TCEA1: variants seen among roughly 807,000 people sequenced by gnomAD.
TCEA1 encodes transcription elongation factor A protein 1.
A neutral mutation model predicts 43.8 loss-of-function variants in TCEA1; 21 were observed. That is an observed-to-expected ratio of 0.48 (90% confidence interval 0.34 to 0.69). The LOEUF (loss-of-function observed/expected upper bound fraction) is 0.69, where lower values mean the gene tolerates loss of function less well. TCEA1 is among the 30% of genes least tolerant of loss of function. The probability of loss-of-function intolerance (pLI) is 0.01; values close to 1 mark genes in which losing one functional copy is unlikely to be tolerated. For synonymous variants in TCEA1, 104 were observed against 117.5 expected (o/e 0.88, Z 0.75); for missense variants, 250 against 365.1 (o/e 0.68, Z 2.57).
intron 3 of TCEA1, among the ~76,000 whole-genome samples, chr8:53,994,051 A>C (rs1467312329): frequency 6.6e-6 from 1 of 152,224 alleles, no homozygotes; most frequent in Non-Finnish European, 1.5e-5. Flanking sequence ...CTGCACTGTT[A>C]CTTTAAAAAT....
chr8:53,984,549 T>C, intron 6 of TCEA1, 32 bp from the exon 7 acceptor site: 1 of 1,515,856 alleles, frequency 6.6e-7, no homozygotes, highest in Non-Finnish European at 8.8e-7. Context: ...AAGGCAAAAT[T>C]ACAAAAGTAA....
At chr8:53,985,138 C>T (rs551891772) in intron 6 of TCEA1, among the ~76,000 whole-genome samples, 7 of 152,084 alleles carry the variant, frequency 4.6e-5, no homozygotes, top group African/African-American at 1.2e-4. Context: ...CTCAGCCTCC[C>T]GAGTAGCTGC....
At chr8:54,016,692 A>G (rs1274290547) in intron 1 of TCEA1, among the ~76,000 whole-genome samples, 1 of 151,150 alleles carries the variant, frequency 6.6e-6, no homozygotes, top group African/African-American at 2.4e-5. Flanking sequence ...TACAAAAATC[A>G]GGCCAGGCGG....
At chr8:53,968,832 C>T (rs1803068366) in intron 9 of TCEA1, among the ~76,000 whole-genome samples, 1 of 152,128 alleles carries the variant, frequency 6.6e-6, no homozygotes, top group African/African-American at 2.4e-5. Flanking sequence ...TCCAAGAGAA[C>T]AGGCCAAATT....
chr8:54,000,445 T>G (rs534335425), intron 2 of TCEA1, among the ~76,000 whole-genome samples: 2 of 152,328 alleles, frequency 1.3e-5, no homozygotes. Flanking sequence ...CATGGATTAC[T>G]TCATAGAGCA....
At chr8:54,020,841 T>A (rs1443618026) in intron 1 of TCEA1, among the ~76,000 whole-genome samples, 1 of 152,198 alleles carries the variant, frequency 6.6e-6, no homozygotes, top group African/African-American at 2.4e-5. Context: ...ACACTGATGA[T>A]GAAAATGTGC....
At chr8:54,002,958 AGGAATGAG>A in intron 2 of TCEA1, 1 of 456,328 alleles carries the variant, frequency 2.2e-6, no homozygotes. Context: ...AAAAGCAGAA[AGGAATGAG>A]TACTGAGATC....
intron 8 of TCEA1, chr8:53,972,768 G>C: frequency 2.8e-6 from 2 of 713,994 alleles, no homozygotes; most frequent in East Asian, 5.2e-5. Flanking sequence ...CTATTATGCA[G>C]TAGTAGACTG....
rs35034211 is a variant in TCEA1 at position 53,981,927 on chromosome 8, C to CTTT, written c.678+2433_678+2435dup. Among the ~76,000 whole-genome samples the CTTT allele has an allele frequency of 2.8e-3, 358 of 128,138 alleles. 4 individuals carry two copies. Among genetic ancestry groups the CTTT allele is most frequent in the African/African-American group, 9.5e-3 (339 of 35,668 alleles). The allele number at this position is 128,138 out of a possible 152,430, so 84.1% of individuals were successfully genotyped here. A position where few individuals can be genotyped will look rare whatever the true frequency, so the allele number is the denominator to read the frequency against. ...ACCACACCATGCCCAGCTAAGTTTT[C>CTTT]TTTTTTTTTTTTTTTTTTGTAGAGA... On this transcript the variant is annotated intron_variant, in intron 7 of 9. Coordinates refer to ENST00000521604, the MANE Select transcript of TCEA1 (RefSeq NM_006756.4).
intron 4 of TCEA1, among the ~76,000 whole-genome samples, chr8:53,993,182 A>C (rs560939381): frequency 7.4e-6 from 1 of 135,168 alleles, no homozygotes; most frequent in East Asian, 2.2e-4. Context: ...CGTGTTAGCC[A>C]GGCTGGTCTC....
At chr8:53,990,615 G>C (rs1803846934) in intron 4 of TCEA1, among the ~76,000 whole-genome samples, 1 of 151,978 alleles carries the variant, frequency 6.6e-6, no homozygotes, top group Non-Finnish European at 1.5e-5. Flanking sequence ...CCCCTACCTT[G>C]ACCTCCCAAA....
chr8:53,995,696 C>T (rs758748058), intron 3 of TCEA1, among the ~76,000 whole-genome samples: 3 of 152,126 alleles, frequency 2.0e-5, no homozygotes, highest in Non-Finnish European at 4.4e-5. Context: ...TGCCAAGCTC[C>T]GAACCAGATC....
At chr8:53,992,533 C>T (rs1803913726) in intron 4 of TCEA1, among the ~76,000 whole-genome samples, 1 of 152,046 alleles carries the variant, frequency 6.6e-6, no homozygotes, top group South Asian at 2.1e-4. Flanking sequence ...TTGCTTTGAA[C>T]CTGGGAGGTG....
rs1255443914 is a variant in TCEA1, at chr8:54,022,064, G to A, written c.62C>T (p.Ala21Val). ...KMDKMVQKKN[A>V]AGALDLLKEL... ...GCCCGCGCCGCTCGCCGCGCTCACC[G>A]CGTTCTTCTTCTGCACCATCTTGTC... is the stretch of plus-strand genomic sequence containing the variant. The change falls in exon 1 of 10, where the codon GCG (alanine) becomes GTG (valine). Residue 21 changes from alanine (A) to valine (V), a missense_variant and splice_region_variant. This residue lies in a region of TCEA1 where 30 missense variants were observed against 31.8 expected (regional missense o/e 0.94). Coordinates refer to ENST00000521604, the MANE Select transcript of TCEA1 (RefSeq NM_006756.4). 2.8e-6 allele frequency: 4 copies of A among 1,415,488 alleles called. No individual in the cohort carries two copies. The highest frequency in any genetic ancestry group is 3.8e-6 in the Non-Finnish European group (4 of 1,060,250). 87.7% of individuals were successfully genotyped at this position (1,415,488 alleles called of 1,614,324 possible).
At chr8:53,986,800 G>C (rs1212981179) in intron 6 of TCEA1, among the ~76,000 whole-genome samples, 169 bp downstream of exon 6, 1 of 152,142 alleles carries the variant, frequency 6.6e-6, no homozygotes, top group Non-Finnish European at 1.5e-5. Flanking sequence ...GTGTGATCTA[G>C]AACAATGACC....
At chr8:54,005,004 C>G (rs1318069176) in intron 2 of TCEA1, among the ~76,000 whole-genome samples, 1 of 15,966 alleles carries the variant, frequency 6.3e-5, no homozygotes, top group Non-Finnish European at 1.1e-4. Context: ...CTGTTTACTT[C>G]CTCACCTTCA....
At chr8:53,996,190 T>C (rs1184877957) in intron 3 of TCEA1, among the ~76,000 whole-genome samples, 1 of 152,260 alleles carries the variant, frequency 6.6e-6, no homozygotes, top group Non-Finnish European at 1.5e-5. Flanking sequence ...ACAATCCTTT[T>C]AGACAGCAGA....
At chr8:53,976,355 T>C (rs1803332597) in intron 8 of TCEA1, among the ~76,000 whole-genome samples, 2 of 152,206 alleles carry the variant, frequency 1.3e-5, no homozygotes, top group Non-Finnish European at 2.9e-5. Context: ...CCTGCTATAC[T>C]TTATATATAC....
At chr8:53,983,246 C>T (rs2129302022) in intron 7 of TCEA1, among the ~76,000 whole-genome samples, 1 of 152,272 alleles carries the variant, frequency 6.6e-6, no homozygotes, top group South Asian at 2.1e-4. Context: ...ATAGTATAAG[C>T]ATAACTTTTA....
Sources: allele counts gnomAD v4.1 joint callset (sites outside exome capture counted in the v4.1 genomes callset), GRCh38; gene constraint gnomAD v4.1.1; regional missense constraint gnomAD v4.1.1; transcripts MANE v1.5; gene names NCBI Gene and HGNC (gene_info 2026-07-23, HGNC 2026-07-21).